PDE4D: variants seen among roughly 807,000 people sequenced by gnomAD.
PDE4D encodes phosphodiesterase 4D.
PDE4D carries 24 observed loss-of-function variants against 87.4 expected under a neutral mutation model. That is an observed-to-expected ratio of 0.27 (90% CI 0.20 to 0.39). The LOEUF is 0.39. Among genes scored for constraint, PDE4D ranks in the 10% least tolerant of loss-of-function variants. The pLI, the probability that PDE4D is intolerant of heterozygous loss-of-function variation, is 1.00. For missense variants in PDE4D, 714 were observed against 1,041.0 expected, an observed-to-expected ratio of 0.69 and a Z score of 4.32; for synonymous variants, 384 against 383.2, an observed-to-expected ratio of 1.00 and a Z score of -0.02.
intron 1 of PDE4D, among the ~76,000 whole-genome samples, chr5:59,883,402 C>T (rs1474411870): frequency 6.6e-6 from 1 of 152,100 alleles, no homozygotes. Flanking sequence ...TTTAATGGTG[C>T]ACACTTAGTG....
chr5:59,490,034 T>A (rs1180647992), intron 1 of PDE4D, among the ~76,000 whole-genome samples: 1 of 152,198 alleles, frequency 6.6e-6, no homozygotes, highest in African/African-American at 2.4e-5. Flanking sequence ...AATTGTTTAT[T>A]ACTTCCAGTA....
intron 2 of PDE4D, among the ~76,000 whole-genome samples, chr5:59,995,170 T>C (rs1763403936): frequency 6.6e-6 from 1 of 152,030 alleles, no homozygotes. Flanking sequence ...CCCCATAAAT[T>C]GGACATTTAT....
chr5:59,429,945 T>C (rs1795875219), intron 1 of PDE4D, among the ~76,000 whole-genome samples: 1 of 152,208 alleles, frequency 6.6e-6, no homozygotes, highest in African/African-American at 2.4e-5. Context: ...TATGAGTTAC[T>C]GGGCATCTGG....
chr5:59,504,941 C>T (rs946754191), intron 1 of PDE4D, among the ~76,000 whole-genome samples: 77 of 108,142 alleles, frequency 7.1e-4, no homozygotes, highest in African/African-American at 9.8e-4. Context: ...TGTGTGTGTG[C>T]GTGCGCGTGT....
At chr5:60,044,810 T>C (rs1404577439) in intron 2 of PDE4D, among the ~76,000 whole-genome samples, 2 of 152,242 alleles carry the variant, frequency 1.3e-5, no homozygotes, top group African/African-American at 4.8e-5. Context: ...TTGTGAATAA[T>C]GCCACAATAA....
At chr5:59,662,704 G>C (rs909352263) in intron 1 of PDE4D, among the ~76,000 whole-genome samples, 1 of 152,106 alleles carries the variant, frequency 6.6e-6, no homozygotes, top group Non-Finnish European at 1.5e-5. Flanking sequence ...AAAATAATTT[G>C]AATAATAACA....
chr5:59,296,257 TAA>T, intron 1 of PDE4D, among the ~76,000 whole-genome samples: 1 of 152,110 alleles, frequency 6.6e-6, no homozygotes, highest in Non-Finnish European at 1.5e-5. Context: ...TAATATTTTA[TAA>T]GTTAATAGAT....
chr5:59,302,164 A>G (rs533511229), intron 1 of PDE4D, among the ~76,000 whole-genome samples: 5 of 152,264 alleles, frequency 3.3e-5, no homozygotes, highest in African/African-American at 1.2e-4. Context: ...CCTGACAGAT[A>G]TTAGCAAGTT....
At chr5:60,328,691 C>T (rs1054772086) in intron 1 of PDE4D, among the ~76,000 whole-genome samples, 1 of 152,082 alleles carries the variant, frequency 6.6e-6, no homozygotes, top group Non-Finnish European at 1.5e-5. Flanking sequence ...AATGAAATAG[C>T]TAGTACATAG....
intron 1 of PDE4D, among the ~76,000 whole-genome samples, chr5:59,742,800 C>T (rs1759055869): frequency 6.6e-6 from 1 of 152,142 alleles, no homozygotes; most frequent in African/African-American, 2.4e-5. Context: ...TCACATTGGC[C>T]TCCCACATTG....
rs191562707 is a variant in PDE4D at position 59,207,616 on chromosome 5, A to G, written c.647+8161T>C. ...TCTTCCTTGACTGAGGCCAATTCTG[A>G]GTTTACTTTCTTCTGGCAGGAATTC... On this transcript the variant is annotated intron_variant, in intron 2 of 14. Coordinates refer to ENST00000340635, the MANE Select transcript of PDE4D (RefSeq NM_001104631.2). 3.3e-5 allele frequency among the ~76,000 whole-genome samples: 5 copies of G among 152,166 alleles called. No homozygotes were observed. The East Asian group carries it at 9.6e-4, about 29-fold the overall frequency.
chr5:59,236,779 A>G (rs974068659), intron 1 of PDE4D, among the ~76,000 whole-genome samples: 2 of 151,998 alleles, frequency 1.3e-5, no homozygotes, highest in African/African-American at 4.8e-5. Context: ...GGATGGAGAA[A>G]GAAGGGAAAA....
Position 59,393,075 on chromosome 5 carries a change from T to C in PDE4D, c.456-177107A>G, listed in dbSNP as rs571828661. ...AAAAAGTAATGATGACTAAAATTTC[T>C]AGACTGGATAATTAGGAAAATGTTA... On this transcript the variant is annotated intron_variant, in intron 1 of 14. Coordinates refer to ENST00000340635, the MANE Select transcript of PDE4D (RefSeq NM_001104631.2). 2.6e-5 allele frequency among the ~76,000 whole-genome samples: 4 copies of C among 152,144 alleles called. No individual in the cohort carries two copies. In the East Asian group the frequency reaches 7.7e-4, roughly 29 times the overall value.
intron 1 of PDE4D, among the ~76,000 whole-genome samples, chr5:59,490,586 A>G (rs1015049275): frequency 2.0e-5 from 3 of 152,236 alleles, no homozygotes; most frequent in African/African-American, 7.2e-5. Flanking sequence ...TAAACCACTT[A>G]GAAATGTAGT....
intron 1 of PDE4D, among the ~76,000 whole-genome samples, chr5:59,755,000 G>A (rs180821883): frequency 1.2e-4 from 19 of 152,082 alleles, no homozygotes; most frequent in African/African-American, 4.3e-4. Context: ...CTCTTCCTAT[G>A]GTGGAAGTAT....
intron 1 of PDE4D, among the ~76,000 whole-genome samples, chr5:59,668,719 AAAAGAAGAAGAAGAAG>A (rs200849995): frequency 0.072 from 9,830 of 135,608 alleles, 707 homozygotes; most frequent in South Asian, 0.13. Flanking sequence ...CTCAAGAAAA[AAAAGAAGAAGAAGAAG>A]AAAGAAGAAG....
At chr5:60,470,031 G>A (rs1747697008) in intron 1 of PDE4D, among the ~76,000 whole-genome samples, 1 of 152,200 alleles carries the variant, frequency 6.6e-6, no homozygotes, top group Admixed American at 6.5e-5. Flanking sequence ...TCCTGTGCAA[G>A]TTAGCCAAGG....
chr5:59,108,953 CAATGTGTG>C lies in PDE4D; in HGVS notation c.809-69990_809-69983del, dbSNP rs1357393819. Among the ~76,000 whole-genome samples the C allele has an allele frequency of 2.3e-4, 22 of 94,424 alleles. No homozygotes were observed. The South Asian group carries it at 3.9e-3, about 17-fold the overall frequency. The allele number at this position is 94,424 out of a possible 152,430, so 61.9% of individuals were successfully genotyped here. On this transcript the variant is annotated intron_variant, in intron 5 of 14. Coordinates refer to ENST00000340635, the MANE Select transcript of PDE4D (RefSeq NM_001104631.2). ...TAAAAAAAACAAATTCATAGGAACT[CAATGTGTG>C]TGTGTGTGTGTGTGTGTGTGTGTGT...
chr5:59,387,676 TAAG>T lies in PDE4D; in HGVS notation c.456-171711_456-171709del, dbSNP rs1787364483. On this transcript the variant is annotated intron_variant, in intron 1 of 14. Transcript: ENST00000340635. ...ATATATATATTTAAAAATTGACAAA[TAAG>T]AATGTATATATTTATGATGTAAAAC... 3.3e-5 allele frequency among the ~76,000 whole-genome samples: 5 copies of T among 152,206 alleles called. No homozygotes were observed. In the South Asian group the frequency reaches 1.0e-3, roughly 32 times the overall value.
Sources: gnomAD v4.1 joint callset for allele counts (sites outside exome capture counted in the v4.1 genomes callset) on GRCh38, gnomAD v4.1.1 for gene constraint, MANE v1.5 for transcripts, NCBI Gene and HGNC (gene_info 2026-07-23, HGNC 2026-07-21) for gene names.